ADAMTSL3: variants seen among roughly 807,000 people sequenced by gnomAD.
ADAMTSL3 encodes ADAMTS-like protein 3.
Under a neutral mutation model 201.7 loss-of-function variants are expected in ADAMTSL3, and 128 were observed. The observed-to-expected ratio is 0.63, with a 90% CI of 0.55 to 0.73. The LOEUF (loss-of-function observed/expected upper bound fraction) is 0.73, where lower values mean the gene tolerates loss of function less well. Ranked by LOEUF, ADAMTSL3 falls within the 30% of genes least tolerant of loss-of-function variation. ADAMTSL3 has a pLI of 0.00. For missense variants in ADAMTSL3, 1,990 were observed against 2,119.6 expected (o/e 0.94, Z 1.20); for synonymous variants, 738 against 748.4 (o/e 0.99, Z 0.23).
chr15:83,820,456 C>A (rs1219416079), intron 6 of ADAMTSL3, among the ~76,000 whole-genome samples: 2 of 152,098 alleles, frequency 1.3e-5, no homozygotes, highest in African/African-American at 4.8e-5. Context: ...TGGGCTCATC[C>A]CCCGGAGTTT....
Position 84,029,712 on chromosome 15 carries a change from A to G in ADAMTSL3, c.4657-1623A>G, listed in dbSNP as rs548405419. Among the ~76,000 whole-genome samples the G allele has an allele frequency of 2.6e-5, 4 of 152,350 alleles. No individual in the cohort carries two copies. In the East Asian group the frequency reaches 5.8e-4, roughly 22 times the overall value. On this transcript the variant is annotated intron_variant, in intron 27 of 29. Transcript: ENST00000286744. ...ATAAGGAATGAGGAGCAAAATGCCA[A>G]TACAATGGGGAACATGTCTCCAGGG...
At chr15:83,857,302 A>G (rs767143838) in intron 7 of ADAMTSL3, among the ~76,000 whole-genome samples, 1 of 152,128 alleles carries the variant, frequency 6.6e-6, no homozygotes, top group Non-Finnish European at 1.5e-5. Context: ...CCTTTTGTGC[A>G]CAAAGGTTTG....
intron 6 of ADAMTSL3, among the ~76,000 whole-genome samples, chr15:83,835,010 A>G (rs1359864622): frequency 3.9e-5 from 6 of 152,072 alleles, no homozygotes; most frequent in East Asian, 1.9e-4. Flanking sequence ...CAAGGCGGGC[A>G]GATCACGAGA....
At chr15:83,747,971 T>C (rs1386746742) in intron 3 of ADAMTSL3, among the ~76,000 whole-genome samples, 2 of 151,806 alleles carry the variant, frequency 1.3e-5, no homozygotes, top group East Asian at 3.9e-4. Flanking sequence ...GCTTGGCGTC[T>C]CCTGGAGTCT....
At chr15:83,814,777 T>C (rs1398276972) in intron 5 of ADAMTSL3, among the ~76,000 whole-genome samples, 3 of 152,198 alleles carry the variant, frequency 2.0e-5, no homozygotes, top group Admixed American at 2.0e-4. Context: ...TGCTGGTTAT[T>C]GGGAGAGGGG....
At chr15:83,807,192 A>T (rs183023784) in intron 5 of ADAMTSL3, among the ~76,000 whole-genome samples, 12 of 152,294 alleles carry the variant, frequency 7.9e-5, no homozygotes, top group Non-Finnish European at 1.3e-4. Flanking sequence ...ATGGTGGCTC[A>T]CGCCTGTAAT....
At chr15:83,947,486 G>T (rs145603332) in intron 19 of ADAMTSL3, among the ~76,000 whole-genome samples, 1 of 152,332 alleles carries the variant, frequency 6.6e-6, no homozygotes, top group East Asian at 1.9e-4. Context: ...TAAGAAAGGA[G>T]CATTGACTCA....
intron 4 of ADAMTSL3, among the ~76,000 whole-genome samples, chr15:83,797,173 T>G (rs1938753864): frequency 6.6e-6 from 1 of 152,160 alleles, no homozygotes; most frequent in South Asian, 2.1e-4. Flanking sequence ...AAATATTAAG[T>G]AACTTTTACT....
rs571058553 is a variant in ADAMTSL3, at chr15:83,934,269, G to A, written c.2118-8327G>A. Reference sequence around the variant, plus strand: ...TCAGTGTGACCTGTATGCGACACACGAAGTTAAAAGGATATCATTTCAGAG... The same window carrying A: ...TCAGTGTGACCTGTATGCGACACACAAAGTTAAAAGGATATCATTTCAGAG... On this transcript the variant is annotated intron_variant, in intron 17 of 29. Coordinates refer to ENST00000286744, the MANE Select transcript of ADAMTSL3 (RefSeq NM_207517.3). Among the ~76,000 whole-genome samples, 145 of 152,316 alleles carry A rather than the reference G, an allele frequency of 9.5e-4. 1 individual carries two copies. The highest frequency in any genetic ancestry group is 3.1e-3 in the African/African-American group (130 of 41,564).
At chr15:83,902,064 C>A (rs140027907) in intron 15 of ADAMTSL3, among the ~76,000 whole-genome samples, 1 of 152,274 alleles carries the variant, frequency 6.6e-6, no homozygotes, top group East Asian at 1.9e-4. Context: ...TGTAATTAGC[C>A]ACTGAGTTGT....
intron 3 of ADAMTSL3, chr15:83,739,798 C>T (rs2062426511): frequency 6.9e-6 from 4 of 583,916 alleles, no homozygotes; most frequent in South Asian, 4.2e-5. Flanking sequence ...ATGAGTACAT[C>T]TCCATCCACA....
chr15:83,959,058 AC>A (rs1463050444), intron 19 of ADAMTSL3, among the ~76,000 whole-genome samples: 2 of 152,198 alleles, frequency 1.3e-5, no homozygotes, highest in Non-Finnish European at 2.9e-5. Context: ...ACAGAACAAA[AC>A]TTAATGGCTC....
intron 19 of ADAMTSL3, among the ~76,000 whole-genome samples, chr15:83,969,060 G>T (rs1455901206): frequency 6.6e-6 from 1 of 152,090 alleles, no homozygotes; most frequent in Non-Finnish European, 1.5e-5. Flanking sequence ...GTAGATGACG[G>T]GTTGATGGGT....
chr15:83,826,919 A>G (rs1370288612), intron 6 of ADAMTSL3, among the ~76,000 whole-genome samples: 1 of 152,096 alleles, frequency 6.6e-6, no homozygotes, highest in Non-Finnish European at 1.5e-5. Flanking sequence ...ATTGATGGAC[A>G]TTTGGGTTTG....
intron 3 of ADAMTSL3, among the ~76,000 whole-genome samples, chr15:83,714,006 T>C (rs1417309371): frequency 1.3e-5 from 2 of 152,178 alleles, no homozygotes; most frequent in Admixed American, 1.3e-4. Context: ...TTCCAGATGG[T>C]TGGGAAAATG....
intron 15 of ADAMTSL3, among the ~76,000 whole-genome samples, chr15:83,900,323 C>T (rs1567223871): frequency 6.6e-6 from 1 of 152,134 alleles, no homozygotes; most frequent in African/African-American, 2.4e-5. Flanking sequence ...CTACCATCTG[C>T]ATGTGATTTG....
chr15:83,657,893 T>G (rs2061112470), intron 2 of ADAMTSL3, among the ~76,000 whole-genome samples: 1 of 152,134 alleles, frequency 6.6e-6, no homozygotes, highest in Non-Finnish European at 1.5e-5. Flanking sequence ...GATGCTCTGT[T>G]TTTTCCGTAG....
At chr15:83,823,941 T>TTCC (rs2063947314) in intron 6 of ADAMTSL3, among the ~76,000 whole-genome samples, 2 of 108,176 alleles carry the variant, frequency 1.8e-5, no homozygotes, top group Non-Finnish European at 4.0e-5. Context: ...CTTCTTCTTC[T>TTCC]TCTTCTTCTT....
At chr15:83,945,708 T>C (rs1053300916) in intron 19 of ADAMTSL3, 4 of 152,200 alleles carry the variant, frequency 2.6e-5, no homozygotes, top group African/African-American at 9.7e-5. Context: ...CTTGGCATTG[T>C]GATGCGTGAT....
Sources: allele counts gnomAD v4.1 joint callset (sites outside exome capture counted in the v4.1 genomes callset), GRCh38; gene constraint gnomAD v4.1.1; transcripts MANE v1.5; gene names NCBI Gene and HGNC (gene_info 2026-07-23, HGNC 2026-07-21).